Variants in SHTN1 observed in about 807,000 individuals in gnomAD.
SHTN1 encodes the protein shootin-1.
In SHTN1, 42 loss-of-function variants were observed where a neutral mutation model predicts 83.1. That is an observed-to-expected ratio of 0.51 (90% CI 0.39 to 0.65). SHTN1 has a LOEUF of 0.65. Ranked by LOEUF, SHTN1 falls within the 30% of genes least tolerant of loss-of-function variation. The pLI is 0.00. For synonymous variants in SHTN1, 224 were observed against 247.7 expected, an observed-to-expected ratio of 0.90 and a Z score of 0.90; for missense variants, 622 against 737.8, an observed-to-expected ratio of 0.84 and a Z score of 1.82.
intron 1 of SHTN1, among the ~76,000 whole-genome samples, chr10:117,117,220 C>T (rs914194056): frequency 8.5e-4 from 129 of 152,224 alleles, no homozygotes; most frequent in African/African-American, 3.0e-3. Flanking sequence ...TCACAGAATA[C>T]AAAATCAACA....
intron 1 of SHTN1, among the ~76,000 whole-genome samples, chr10:117,065,872 G>A (rs1318522450): frequency 4.4e-5 from 5 of 112,866 alleles, no homozygotes; most frequent in Non-Finnish European, 5.7e-5. Context: ...GAGGGAGGGA[G>A]GGAGGGAGGT....
intron 2 of SHTN1, among the ~76,000 whole-genome samples, chr10:117,024,441 G>A (rs113869865): frequency 0.018 from 2,486 of 138,012 alleles, 58 homozygotes; most frequent in East Asian, 0.13. Context: ...TGCAAGCTCC[G>A]CCTCCCGGGT....
intron 1 of SHTN1, among the ~76,000 whole-genome samples, chr10:116,979,581 G>A (rs149764329): frequency 7.9e-5 from 12 of 152,300 alleles, no homozygotes; most frequent in Admixed American, 4.6e-4. Flanking sequence ...CACCAAACCC[G>A]GCTGGGCTCC....
chr10:117,048,337 A>AT (rs1246598055), intron 2 of SHTN1: 5 of 278,612 alleles, frequency 1.8e-5, no homozygotes, highest in African/African-American at 1.1e-4. Context: ...ATCAACACTC[A>AT]TTCACAAAGA....
At chr10:117,024,629 A>ATT (rs924724072) in intron 2 of SHTN1, among the ~76,000 whole-genome samples, 19 of 152,114 alleles carry the variant, frequency 1.2e-4, no homozygotes, top group African/African-American at 4.6e-4. Context: ...AAGTGCTGGG[A>ATT]TTACAGGCGT....
chr10:116,978,825 A>T (rs958977711), intron 2 of SHTN1, among the ~76,000 whole-genome samples: 2 of 152,234 alleles, frequency 1.3e-5, no homozygotes, highest in African/African-American at 4.8e-5. Context: ...ACATATAAAG[A>T]TTTATGGAGG....
intron 1 of SHTN1, chr10:117,048,534 A>G: frequency 1.1e-6 from 1 of 941,414 alleles, no homozygotes; most frequent in Non-Finnish European, 1.3e-6. Flanking sequence ...AACACTTAGC[A>G]TGGCATTCTA....
chr10:116,903,023 A>G (rs1847811278), intron 15 of SHTN1, among the ~76,000 whole-genome samples: 2 of 152,214 alleles, frequency 1.3e-5, no homozygotes, highest in African/African-American at 2.4e-5. Flanking sequence ...CTAAAAATGA[A>G]GGTCTAATTT....
chr10:117,076,764 C>T (rs796137118), intron 1 of SHTN1, among the ~76,000 whole-genome samples: 16 of 152,156 alleles, frequency 1.1e-4, no homozygotes, highest in African/African-American at 1.9e-4. Flanking sequence ...GAAAGAGAAC[C>T]GGAAAAAATA....
At chr10:117,002,876 A>G (rs1395592696) in intron 1 of SHTN1, among the ~76,000 whole-genome samples, 1 of 152,218 alleles carries the variant, frequency 6.6e-6, no homozygotes, top group Non-Finnish European at 1.5e-5. Context: ...TTTCATATGC[A>G]CTTAATCAAG....
intron 1 of SHTN1, among the ~76,000 whole-genome samples, chr10:117,103,250 T>C (rs1188614698): frequency 6.6e-6 from 1 of 151,732 alleles, no homozygotes; most frequent in Non-Finnish European, 1.5e-5. Context: ...CCACCACACC[T>C]GGCTAATTTT....
At chr10:117,059,119 G>A (rs1852865878) in intron 1 of SHTN1, among the ~76,000 whole-genome samples, 1 of 152,104 alleles carries the variant, frequency 6.6e-6, no homozygotes, top group Non-Finnish European at 1.5e-5. Context: ...CTAACGAATG[G>A]TTAAAATGAT....
chr10:117,076,789 T>C (rs1218949916), intron 1 of SHTN1, among the ~76,000 whole-genome samples: 1 of 152,212 alleles, frequency 6.6e-6, no homozygotes, highest in Non-Finnish European at 1.5e-5. Flanking sequence ...TCGCACTAAT[T>C]TGTCCAAGGT....
upstream of SHTN1, among the ~76,000 whole-genome samples, chr10:117,009,135 A>G (rs1468382250): frequency 6.6e-6 from 1 of 152,132 alleles, no homozygotes; most frequent in Non-Finnish European, 1.5e-5. Flanking sequence ...AAAAGAAAAG[A>G]AAATATCAAC....
chr10:117,031,980 G>A (rs1337865481), intron 2 of SHTN1, among the ~76,000 whole-genome samples: 4 of 151,690 alleles, frequency 2.6e-5, no homozygotes, highest in Non-Finnish European at 5.9e-5. Context: ...AAGAAAACAA[G>A]ACCCAATGAT....
chr10:116,992,544 G>C lies in SHTN1; in HGVS notation c.58+12478C>G, dbSNP rs905322735. Among the ~76,000 whole-genome samples the C allele has an allele frequency of 4.9e-4, 74 of 152,110 alleles. 1 individual carries two copies. Among genetic ancestry groups the C allele is most frequent in the Admixed American group, 4.8e-3 (74 of 15,264 alleles). On this transcript the variant is annotated intron_variant, in intron 1 of 16. Coordinates refer to ENST00000355371, the MANE Select transcript of SHTN1 (RefSeq NM_001127211.3). ...AAAGCTGAAATACTAATTACCCTAGGCCTCTAGTAGGCAAATAAGCCCCCC... is the reference window on the plus strand; with the variant it reads ...AAAGCTGAAATACTAATTACCCTAGCCCTCTAGTAGGCAAATAAGCCCCCC...
chr10:116,973,849 T>C (rs780497046), intron 2 of SHTN1: 1 of 1,279,180 alleles, frequency 7.8e-7, no homozygotes, highest in South Asian at 1.2e-5. Context: ...GTACTTTACC[T>C]GTTTACCTGT....
chr10:116,921,646 T>G (rs1848571502), intron 11 of SHTN1, 130 bp from the exon 12 acceptor site: 1 of 592,172 alleles, frequency 1.7e-6, no homozygotes. Flanking sequence ...GTTCCATTTT[T>G]AATAATATTA....
At chr10:116,908,801 T>C (rs1848074598) in intron 14 of SHTN1, among the ~76,000 whole-genome samples, 1 of 152,204 alleles carries the variant, frequency 6.6e-6, no homozygotes, top group Admixed American at 6.5e-5. Flanking sequence ...TTCTTGACTG[T>C]AGTAAGCTAC....
Sources: allele counts gnomAD v4.1 joint callset (sites outside exome capture counted in the v4.1 genomes callset), GRCh38; gene constraint gnomAD v4.1.1; transcripts MANE v1.5; gene names NCBI Gene and HGNC (gene_info 2026-07-23, HGNC 2026-07-21).